AGPAT4: variants seen among roughly 807,000 people sequenced by gnomAD.
The protein encoded by AGPAT4 is 1-acylglycerol-3-phosphate O-acyltransferase 4, also known as 1-acyl-sn-glycerol-3-phosphate acyltransferase delta.
In AGPAT4, 15 loss-of-function variants were observed where a neutral mutation model predicts 48.0. The observed-to-expected ratio is 0.31, with a 90% confidence interval of 0.21 to 0.48. The LOEUF is 0.48. Ranked by LOEUF, AGPAT4 falls within the 20% of genes least tolerant of loss-of-function variation. The pLI is 0.99. For synonymous variants in AGPAT4, 178 were observed against 198.7 expected (o/e 0.90, Z 0.88); for missense variants, 314 against 482.5 (o/e 0.65, Z 3.27).
rs1235619874 is a variant in AGPAT4, at chr6:161,255,163, T to A, written c.-90+18775A>T. On this transcript the variant is annotated intron_variant, in intron 1 of 8. Transcript: ENST00000320285. The surrounding 1 kb of genome is among the most constrained non-coding windows in gnomAD (Gnocchi z 4.7). Reference sequence around the variant, plus strand: ...ATCTTTCCCTGTAATACCTCACACATCCAGTTCTCCTTCATTAGCTCTATG... The same window carrying A: ...ATCTTTCCCTGTAATACCTCACACAACCAGTTCTCCTTCATTAGCTCTATG... Among the ~76,000 whole-genome samples the A allele has an allele frequency of 6.6e-6, 1 of 152,172 alleles. No homozygotes were observed. Among genetic ancestry groups the A allele is most frequent in the Non-Finnish European group, 1.5e-5 (1 of 68,018 alleles).
chr6:161,198,706 T>C lies in AGPAT4; in HGVS notation c.179-32289A>G, dbSNP rs1174743990. ...GTTATTAGGTTTAAATAAGCTCACATGTAGAAGGAACTCCGCAGAGTGCTG... is the reference window on the plus strand; with the variant it reads ...GTTATTAGGTTTAAATAAGCTCACACGTAGAAGGAACTCCGCAGAGTGCTG... On this transcript the variant is annotated intron_variant, in intron 2 of 8. Coordinates refer to ENST00000320285, the MANE Select transcript of AGPAT4 (RefSeq NM_020133.3). This position sits in a 1 kb window ranked among gnomAD's most constrained non-coding sequence, Gnocchi z 4.3. 6.6e-6 allele frequency among the ~76,000 whole-genome samples: 1 copy of C among 152,170 alleles called. No individual in the cohort carries two copies. The highest frequency in any genetic ancestry group is 1.5e-5 in the Non-Finnish European group (1 of 68,042).
rs1781898640 is a variant in AGPAT4, at chr6:161,223,892, G to T, written c.178+8144C>A. Among the ~76,000 whole-genome samples the T allele has an allele frequency of 6.6e-6, 1 of 152,128 alleles. No individual in the cohort carries two copies. The highest frequency in any genetic ancestry group is 2.4e-5 in the African/African-American group (1 of 41,452). On this transcript the variant is annotated intron_variant, in intron 2 of 8. Transcript: ENST00000320285. This position sits in a 1 kb window ranked among gnomAD's most constrained non-coding sequence, Gnocchi z 6.3. ...TCTCTGTGCCTAACTACTCAAAACA[G>T]TTCCTGGAACAGTAAGTGCTCAGTA...
At position 161,132,569 on chromosome 6, in the gene AGPAT4, G is replaced by C. The variant is rs946264117; in HGVS notation, c.*3971C>G. Reference sequence around the variant, plus strand: ...GCTCTCAGCAGCACCTGTCAGCATAGCTCGGCCGCTTCTGCCCCGTGCCAA... The same window carrying C: ...GCTCTCAGCAGCACCTGTCAGCATACCTCGGCCGCTTCTGCCCCGTGCCAA... On this transcript the variant is annotated 3_prime_UTR_variant, in exon 9 of 9. Coordinates refer to ENST00000320285, the MANE Select transcript of AGPAT4 (RefSeq NM_020133.3). The C allele has an allele frequency of 6.6e-6, 1 of 152,306 alleles. No homozygotes were observed. Among genetic ancestry groups the C allele is most frequent in the African/African-American group, 2.4e-5 (1 of 41,476 alleles). 9.4% of individuals were successfully genotyped at this position (152,306 alleles called of 1,614,324 possible). A position where few individuals can be genotyped will look rare whatever the true frequency, so the allele number is the denominator to read the frequency against.
At position 161,177,350 on chromosome 6, in the gene AGPAT4, CTT is replaced by C. The variant is rs1780456295; in HGVS notation, c.179-10935_179-10934del. Among the ~76,000 whole-genome samples, 1 of 152,166 alleles carries C rather than the reference CTT, an allele frequency of 6.6e-6. No individual in the cohort carries two copies. On this transcript the variant is annotated intron_variant, in intron 2 of 8. Coordinates refer to ENST00000320285, the MANE Select transcript of AGPAT4 (RefSeq NM_020133.3). The surrounding 1 kb of genome is among the most constrained non-coding windows in gnomAD (Gnocchi z 5.0). The stretch of plus-strand genomic sequence containing the variant: ...GAGGCTTTGTTTGTTTCTTTTTACT[CTT>C]CTTTCTCTAAACTTCTCTTCTCGCT...
At position 161,149,699 on chromosome 6, in the gene AGPAT4, G is replaced by A. The variant is rs1019865395; in HGVS notation, c.665-410C>T. 5.9e-5 allele frequency among the ~76,000 whole-genome samples: 9 copies of A among 151,886 alleles called. No homozygotes were observed. The highest frequency in any genetic ancestry group is 8.8e-5 in the Non-Finnish European group (6 of 67,974). ...TGGGGTTACAGACACCCACCACCAC[G>A]CCCAGCTAATTTTTGTATTTTTAGT... On this transcript the variant is annotated intron_variant, in intron 5 of 8. Transcript: ENST00000320285. This position sits in a 1 kb window ranked among gnomAD's most constrained non-coding sequence, Gnocchi z 6.5.
In AGPAT4 at chr6:161,136,668, C is replaced by A. The variant is rs1384904339; in HGVS notation, c.1043-34G>T. The A allele has an allele frequency of 1.0e-5, 16 of 1,589,614 alleles. No individual in the cohort carries two copies. In the East Asian group the frequency reaches 2.9e-4, roughly 29 times the overall value. The stretch of plus-strand genomic sequence containing the variant: ...ACAAGGAGAGCAGAGTTAGGAGTAG[C>A]CCAAACAGACTACAGGGCCGTTTTC... On this transcript the variant is annotated intron_variant, in intron 8 of 8. Transcript: ENST00000320285.
chr6:161,249,467 G>A lies in AGPAT4; in HGVS notation c.-89-17165C>T, dbSNP rs377048691. Reference sequence around the variant, plus strand: ...CCATAAGGAACTTAAATAAATTTACGAGAAAAAACACACAACCCCATTAAA... The same window carrying A: ...CCATAAGGAACTTAAATAAATTTACAAGAAAAAACACACAACCCCATTAAA... On this transcript the variant is annotated intron_variant, in intron 1 of 8. Transcript: ENST00000320285. This position sits in a 1 kb window ranked among gnomAD's most constrained non-coding sequence, Gnocchi z 6.2. Among the ~76,000 whole-genome samples the A allele has an allele frequency of 2.2e-4, 33 of 151,954 alleles. No homozygotes were observed. Among genetic ancestry groups the A allele is most frequent in the African/African-American group, 7.0e-4 (29 of 41,482 alleles).
At position 161,223,462 on chromosome 6, in the gene AGPAT4, T is replaced by C. The variant is rs1781883968; in HGVS notation, c.178+8574A>G. ...TCTCTGTTCGGCCTTAGGCAAGTCA[T>C]CCAACCTCTCGCCTCATTTAACAGG... On this transcript the variant is annotated intron_variant, in intron 2 of 8. Transcript: ENST00000320285. The surrounding 1 kb of genome is among the most constrained non-coding windows in gnomAD (Gnocchi z 6.3). Among the ~76,000 whole-genome samples the C allele has an allele frequency of 6.6e-6, 1 of 152,234 alleles. No individual in the cohort carries two copies. Among genetic ancestry groups the C allele is most frequent in the South Asian group, 2.1e-4 (1 of 4,830 alleles).
In AGPAT4 at chr6:161,178,348, C is replaced by T. The variant is rs1390485856; in HGVS notation, c.179-11931G>A. Among the ~76,000 whole-genome samples, 7 of 152,364 alleles carry T rather than the reference C, an allele frequency of 4.6e-5. No homozygotes were observed. Among genetic ancestry groups the T allele is most frequent in the Admixed American group, 2.0e-4 (3 of 15,310 alleles). ...CTCAGCAATGGCGGATGCCCCTCCC[C>T]GAACCTCGCTGCCGCCTTGCAGTTC... On this transcript the variant is annotated intron_variant, in intron 2 of 8. Coordinates refer to ENST00000320285, the MANE Select transcript of AGPAT4 (RefSeq NM_020133.3). The surrounding 1 kb of genome is among the most constrained non-coding windows in gnomAD (Gnocchi z 5.1).
intron 3 of AGPAT4, chr6:161,160,903 G>A (rs1223997493): frequency 4.7e-6 from 2 of 424,660 alleles, no homozygotes; most frequent in East Asian, 1.4e-4. Context: ...AGGGCAGAAA[G>A]TAATAGGAGC....
Position 161,253,156 on chromosome 6 carries a change from T to C in AGPAT4, c.-90+20782A>G, listed in dbSNP as rs185166511. On this transcript the variant is annotated intron_variant, in intron 1 of 8. Transcript: ENST00000320285. Reference sequence around the variant, plus strand: ...TGAACCCCGGAGGTGGAGGTTGCAGTGAGCCAAGATTAAGCCACTGCACTC... The same window carrying C: ...TGAACCCCGGAGGTGGAGGTTGCAGCGAGCCAAGATTAAGCCACTGCACTC... Among the ~76,000 whole-genome samples, 50 of 150,264 alleles carry C rather than the reference T, an allele frequency of 3.3e-4. No homozygotes were observed. The Middle Eastern group carries it at 0.021, about 63-fold the overall frequency.
chr6:161,171,141 A>G lies in AGPAT4; in HGVS notation c.179-4724T>C, dbSNP rs987747792. Among the ~76,000 whole-genome samples, 2 of 152,234 alleles carry G rather than the reference A, an allele frequency of 1.3e-5. No homozygotes were observed. The highest frequency in any genetic ancestry group is 4.8e-5 in the African/African-American group (2 of 41,470). ...AAGCAGGGCTTTCTGTTGTTTAGTT[A>G]AGGGAAAATCACCTGTTGAGAGTTT... On this transcript the variant is annotated intron_variant, in intron 2 of 8. Coordinates refer to ENST00000320285, the MANE Select transcript of AGPAT4 (RefSeq NM_020133.3). The surrounding 1 kb of genome is among the most constrained non-coding windows in gnomAD (Gnocchi z 4.4).
chr6:161,175,848 A>G (rs1028901736), intron 2 of AGPAT4, among the ~76,000 whole-genome samples: 1 of 152,066 alleles, frequency 6.6e-6, no homozygotes, highest in Non-Finnish European at 1.5e-5. Context: ...CTTTGTTCTC[A>G]TTGGTTTCAA....
In AGPAT4 at chr6:161,214,908, A is replaced by G. The variant is rs981272100; in HGVS notation, c.178+17128T>C. ...TATGGGGCACGTGACTATATTTCAA[A>G]ACTATCTACGTTGACCTCCAAACCT... On this transcript the variant is annotated intron_variant, in intron 2 of 8. Transcript: ENST00000320285. The surrounding 1 kb of genome is among the most constrained non-coding windows in gnomAD (Gnocchi z 5.4). Among the ~76,000 whole-genome samples, 1 of 152,228 alleles carries G rather than the reference A, an allele frequency of 6.6e-6. No individual in the cohort carries two copies. Among genetic ancestry groups the G allele is most frequent in the Non-Finnish European group, 1.5e-5 (1 of 68,042 alleles).
Position 161,154,205 on chromosome 6 carries a change from G to T in AGPAT4, c.454C>A (p.Arg152Ser). ...TGCAAACTGGTGGCAACCGTCTTGC[G>T]ATCCTGCTCCCACTTGCGCGAACAG... ...VFCSRKWEQD[R>S]KTVATSLQHL... is the part of the protein sequence containing the mutation. Residue 152 changes from arginine (R) to serine (S), a missense_variant, in exon 4 of 9, where the codon CGC (arginine) becomes AGC (serine). Physicochemically the swap from Arg to Ser is moderately radical, Grantham distance 110 (BLOSUM62 -1). Transcript: ENST00000320285. This position sits in a 1 kb window ranked among gnomAD's most constrained non-coding sequence, Gnocchi z 7.8. 6.2e-7 allele frequency: 1 copy of T among 1,614,080 alleles called. No homozygotes were observed. Among genetic ancestry groups the T allele is most frequent in the Non-Finnish European group, 8.5e-7 (1 of 1,180,028 alleles).
At position 161,219,526 on chromosome 6, in the gene AGPAT4, A is replaced by G. The variant is rs916857855; in HGVS notation, c.178+12510T>C. 6.6e-6 allele frequency among the ~76,000 whole-genome samples: 1 copy of G among 152,272 alleles called. No individual in the cohort carries two copies. The highest frequency in any genetic ancestry group is 1.9e-4 in the East Asian group (1 of 5,186). Reference sequence around the variant, plus strand: ...TCGCCTTATAACCTTACAAGACACCAAAGTCAAACTCACAACCTAATTTAA... The same window carrying G: ...TCGCCTTATAACCTTACAAGACACCGAAGTCAAACTCACAACCTAATTTAA... On this transcript the variant is annotated intron_variant, in intron 2 of 8. Transcript: ENST00000320285. This position sits in a 1 kb window ranked among gnomAD's most constrained non-coding sequence, Gnocchi z 4.9.
Position 161,137,028 on chromosome 6 carries a change from C to G in AGPAT4, c.1043-394G>C, listed in dbSNP as rs1051178570. On this transcript the variant is annotated intron_variant, in intron 8 of 8. Coordinates refer to ENST00000320285, the MANE Select transcript of AGPAT4 (RefSeq NM_020133.3). This position sits in a 1 kb window ranked among gnomAD's most constrained non-coding sequence, Gnocchi z 6.1. ...CAGCGAAGTTTTATAAAGAACAGACCAGGAGCCTGGAAGACGCAAGAGCTC... is the reference window on the plus strand; with the variant it reads ...CAGCGAAGTTTTATAAAGAACAGACGAGGAGCCTGGAAGACGCAAGAGCTC... 6.6e-6 allele frequency among the ~76,000 whole-genome samples: 1 copy of G among 152,132 alleles called. No homozygotes were observed. Among genetic ancestry groups the G allele is most frequent in the African/African-American group, 2.4e-5 (1 of 41,422 alleles).
intron 2 of AGPAT4, among the ~76,000 whole-genome samples, chr6:161,213,567 C>T (rs1368827375): frequency 2.0e-5 from 3 of 152,248 alleles, no homozygotes; most frequent in East Asian, 3.9e-4. Context: ...GAAAACTAAG[C>T]TGTGCTTTTG....
rs373535186 is a variant in AGPAT4 at position 161,139,845 on chromosome 6, G to A, written c.844-225C>T. Reference sequence around the variant, plus strand: ...CAGGGACACTGGGAGTGGTGGGGCCGCTGCAGCTGTCACTGAGTGCAGGGC... The same window carrying A: ...CAGGGACACTGGGAGTGGTGGGGCCACTGCAGCTGTCACTGAGTGCAGGGC... On this transcript the variant is annotated intron_variant, in intron 7 of 8. Transcript: ENST00000320285. The surrounding 1 kb of genome is among the most constrained non-coding windows in gnomAD (Gnocchi z 9.1). 7.2e-5 allele frequency among the ~76,000 whole-genome samples: 11 copies of A among 152,356 alleles called. No individual in the cohort carries two copies. The highest frequency in any genetic ancestry group is 4.1e-4 in the South Asian group (2 of 4,832).
Sources: allele counts gnomAD v4.1 joint callset (sites outside exome capture counted in the v4.1 genomes callset), GRCh38; gene constraint gnomAD v4.1.1; non-coding constraint Gnocchi (gnomAD v3.1); transcripts MANE v1.5; gene names NCBI Gene and HGNC (gene_info 2026-07-23, HGNC 2026-07-21).